The following LRFN5 variants were observed in gnomAD, a reference collection of about 807,000 sequenced individuals.
LRFN5 encodes the protein leucine rich repeat and fibronectin type III domain containing 5, also known as leucine-rich repeat and fibronectin type-III domain-containing protein 5.
Under a neutral mutation model 45.6 loss-of-function variants are expected in LRFN5, and 24 were observed. The ratio of observed to expected loss-of-function variants is 0.53; its 90% CI spans 0.38 to 0.74. The LOEUF (loss-of-function observed/expected upper bound fraction) is 0.74, where lower values mean the gene tolerates loss of function less well. Ranked by LOEUF, LRFN5 falls within the 30% of genes least tolerant of loss-of-function variation. The pLI is 0.00. For missense variants in LRFN5, 776 were observed against 861.5 expected, an observed-to-expected ratio of 0.90 and a Z score of 1.24; for synonymous variants, 340 against 313.8, an observed-to-expected ratio of 1.08 and a Z score of -0.88.
At chr14:41,625,459 G>A (rs1029044073) in intron 1 of LRFN5, among the ~76,000 whole-genome samples, 3 of 152,128 alleles carry the variant, frequency 2.0e-5, no homozygotes, top group Non-Finnish European at 2.9e-5. Context: ...CCCCAGCCAT[G>A]CAAAACTGTG....
chr14:41,748,082 G>C (rs116466535), intron 1 of LRFN5, among the ~76,000 whole-genome samples: 217 of 152,164 alleles, frequency 1.4e-3, no homozygotes, highest in African/African-American at 5.0e-3. Context: ...GGAATGTAAA[G>C]TGAAAGTGGT....
chr14:41,648,105 G>A (rs191191392), intron 1 of LRFN5, among the ~76,000 whole-genome samples: 16 of 152,144 alleles, frequency 1.1e-4, no homozygotes, highest in African/African-American at 3.6e-4. Flanking sequence ...AGCGCCATCA[G>A]CATTTTGCTT....
rs141591015 is a variant in LRFN5, at chr14:41,659,753, G to A, written c.-197+51191G>A. On this transcript the variant is annotated intron_variant, in intron 1 of 5. Coordinates refer to ENST00000298119, the MANE Select transcript of LRFN5 (RefSeq NM_152447.5). ...TTTAATGATCGCCATTCTAACTGGC[G>A]TGAGATGATATCTCATTGTGGTTTT... Among the ~76,000 whole-genome samples the A allele has an allele frequency of 2.6e-3, 393 of 152,148 alleles. 2 individuals carry two copies. The highest frequency in any genetic ancestry group is 9.0e-3 in the African/African-American group (374 of 41,516).
At chr14:41,832,413 A>G (rs1035721569) in intron 2 of LRFN5, among the ~76,000 whole-genome samples, 22 of 152,166 alleles carry the variant, frequency 1.4e-4, no homozygotes, top group African/African-American at 5.1e-4. Context: ...AGGGGCACAA[A>G]GCGACCAATG....
chr14:41,842,864 T>C, intron 2 of LRFN5, among the ~76,000 whole-genome samples: 1 of 152,088 alleles, frequency 6.6e-6, no homozygotes, highest in East Asian at 1.9e-4. Flanking sequence ...CAACATTACC[T>C]AATGGAAATT....
At chr14:41,863,241 T>G (rs1029736641) in intron 2 of LRFN5, among the ~76,000 whole-genome samples, 1 of 152,198 alleles carries the variant, frequency 6.6e-6, no homozygotes, top group Non-Finnish European at 1.5e-5. Flanking sequence ...TTGTTTGTGA[T>G]CTTTCCTATC....
intron 1 of LRFN5, among the ~76,000 whole-genome samples, chr14:41,675,472 G>C (rs1324429739): frequency 6.6e-6 from 1 of 152,168 alleles, no homozygotes; most frequent in South Asian, 2.1e-4. Flanking sequence ...GCGTGGCGGC[G>C]CGCGCCTGCA....
At chr14:41,636,654 C>G (rs996069126) in intron 1 of LRFN5, among the ~76,000 whole-genome samples, 6 of 151,996 alleles carry the variant, frequency 3.9e-5, no homozygotes, top group African/African-American at 1.5e-4. Context: ...GCTATGGTCT[C>G]CAGTAGGAGG....
In LRFN5 at chr14:41,890,962, C is replaced by CA. The variant is rs752958509; in HGVS notation, c.1386-286dup. 6.4e-4 allele frequency among the ~76,000 whole-genome samples: 97 copies of CA among 152,168 alleles called. 1 individual carries two copies. The highest frequency in any genetic ancestry group is 1.3e-3 in the Non-Finnish European group (85 of 67,990). ...ACACCTTTCAAAAGTAATTTGTCAT[C>CA]AATGTTTTTTTAGCAGTGTTTTTTA... On this transcript the variant is annotated intron_variant, in intron 3 of 5. Transcript: ENST00000298119.
At chr14:41,787,291 T>C (rs1030744090) in intron 2 of LRFN5, among the ~76,000 whole-genome samples, 2 of 152,094 alleles carry the variant, frequency 1.3e-5, no homozygotes, top group African/African-American at 2.4e-5. Context: ...CTCTCTGATA[T>C]CTACATCTCT....
At chr14:41,744,673 A>G (rs967057222) in intron 1 of LRFN5, among the ~76,000 whole-genome samples, 1 of 152,138 alleles carries the variant, frequency 6.6e-6, no homozygotes, top group African/African-American at 2.4e-5. Flanking sequence ...CAGAACACCA[A>G]TAGGTTGAAA....
chr14:41,873,004 CT>C (rs1282303073), intron 2 of LRFN5, among the ~76,000 whole-genome samples: 1 of 152,118 alleles, frequency 6.6e-6, no homozygotes, highest in Non-Finnish European at 1.5e-5. Context: ...ATTTCAATGG[CT>C]TGATTTAAAA....
At chr14:41,644,745 C>T (rs1341250075) in intron 1 of LRFN5, among the ~76,000 whole-genome samples, 1 of 152,186 alleles carries the variant, frequency 6.6e-6, no homozygotes, top group Admixed American at 6.5e-5. Flanking sequence ...CTTTCAGTCG[C>T]TCCATTATTT....
chr14:41,690,680 A>G (rs1882342006), intron 1 of LRFN5, among the ~76,000 whole-genome samples: 1 of 152,228 alleles, frequency 6.6e-6, no homozygotes, highest in Non-Finnish European at 1.5e-5. Context: ...CCACAGCTAA[A>G]TTTATATCTT....
At chr14:41,629,689 A>T (rs1455381102) in intron 1 of LRFN5, among the ~76,000 whole-genome samples, 1 of 152,166 alleles carries the variant, frequency 6.6e-6, no homozygotes, top group Admixed American at 6.5e-5. Context: ...ATTCAACAAG[A>T]TTTCCAAAAT....
chr14:41,787,331 A>G (rs1448250660), intron 2 of LRFN5, among the ~76,000 whole-genome samples: 2 of 152,068 alleles, frequency 1.3e-5, no homozygotes, highest in East Asian at 3.9e-4. Flanking sequence ...ACCTAACCCA[A>G]CCAAACTTAT....
intron 2 of LRFN5, among the ~76,000 whole-genome samples, chr14:41,802,920 A>G (rs1158031785): frequency 6.6e-6 from 1 of 152,164 alleles, no homozygotes; most frequent in Non-Finnish European, 1.5e-5. Context: ...ACAAATTGTA[A>G]GACCTTTTAT....
chr14:41,655,319 A>G (rs1361424021), intron 1 of LRFN5, among the ~76,000 whole-genome samples: 2 of 152,064 alleles, frequency 1.3e-5, no homozygotes, highest in Admixed American at 6.6e-5. Context: ...AGAAATCCTC[A>G]CTAATAATAT....
intron 1 of LRFN5, among the ~76,000 whole-genome samples, chr14:41,647,320 G>A (rs1031080196): frequency 3.3e-5 from 5 of 152,128 alleles, no homozygotes; most frequent in African/African-American, 1.2e-4. Flanking sequence ...CAGCTTATCT[G>A]GGAAAGCAAA....
Sources: allele counts gnomAD v4.1 joint callset (sites outside exome capture counted in the v4.1 genomes callset), GRCh38; gene constraint gnomAD v4.1.1; transcripts MANE v1.5; gene names NCBI Gene and HGNC (gene_info 2026-07-23, HGNC 2026-07-21).